The following RNF150 variants were observed in gnomAD, a reference collection of about 807,000 sequenced individuals.
The protein encoded by RNF150 is ring finger protein 150.
RNF150 carries 24 observed loss-of-function variants against 39.3 expected under a neutral mutation model. The ratio of observed to expected loss-of-function variants is 0.61; its 90% CI spans 0.44 to 0.86. The LOEUF is 0.86. Ranked by LOEUF, RNF150 falls within the 40% of genes least tolerant of loss-of-function variation. The probability of loss-of-function intolerance (pLI) is 0.00; values close to 1 mark genes in which losing one functional copy is unlikely to be tolerated. For synonymous variants in RNF150, 255 were observed against 227.3 expected, an observed-to-expected ratio of 1.12 and a Z score of -1.10; for missense variants, 502 against 587.8, an observed-to-expected ratio of 0.85 and a Z score of 1.51.
At chr4:140,936,900 C>T (rs991245739) in intron 4 of RNF150, among the ~76,000 whole-genome samples, 8 of 152,032 alleles carry the variant, frequency 5.3e-5, no homozygotes, top group Admixed American at 3.9e-4. Context: ...ATTTAAATTA[C>T]CTTTATATTT....
intron 1 of RNF150, among the ~76,000 whole-genome samples, chr4:141,107,481 G>C (rs1739251109): frequency 6.6e-6 from 1 of 152,152 alleles, no homozygotes; most frequent in Non-Finnish European, 1.5e-5. Flanking sequence ...TGGGCAGTCT[G>C]GGTCTAGTCT....
intron 1 of RNF150, among the ~76,000 whole-genome samples, chr4:141,121,489 G>A (rs1327798023): frequency 6.6e-6 from 1 of 152,180 alleles, no homozygotes; most frequent in Non-Finnish European, 1.5e-5. Flanking sequence ...TACCTCTTAA[G>A]CTTGGAGGAC....
intron 4 of RNF150, among the ~76,000 whole-genome samples, chr4:140,943,202 C>T (rs76139460): frequency 0.034 from 5,149 of 152,030 alleles, 190 homozygotes; most frequent in African/African-American, 0.089. Context: ...TCAATAGTAT[C>T]GAAGGCCAAA....
chr4:140,936,315 G>T (rs1471754978), intron 4 of RNF150, among the ~76,000 whole-genome samples: 1 of 152,140 alleles, frequency 6.6e-6, no homozygotes, highest in East Asian at 1.9e-4. Flanking sequence ...AGAATTGCTA[G>T]GTCACAAGGT....
At chr4:141,015,085 C>T (rs913532142) in intron 1 of RNF150, among the ~76,000 whole-genome samples, 1 of 152,094 alleles carries the variant, frequency 6.6e-6, no homozygotes, top group Non-Finnish European at 1.5e-5. Flanking sequence ...ATTGTCCTTT[C>T]CCTATTTTGT....
chr4:141,144,437 T>C (rs1235425592), intron 1 of RNF150, among the ~76,000 whole-genome samples: 1 of 152,232 alleles, frequency 6.6e-6, no homozygotes, highest in East Asian at 1.9e-4. Flanking sequence ...TTTGCTCGCT[T>C]TGGAGTCTGG....
At chr4:141,042,896 G>A (rs1222232459) in intron 1 of RNF150, among the ~76,000 whole-genome samples, 2 of 151,908 alleles carry the variant, frequency 1.3e-5, no homozygotes, top group African/African-American at 2.4e-5. Flanking sequence ...CTTGTCTTCG[G>A]CATACTATTT....
intron 1 of RNF150, among the ~76,000 whole-genome samples, chr4:141,040,051 A>G (rs903745196): frequency 9.9e-5 from 15 of 152,064 alleles, no homozygotes; most frequent in Admixed American, 2.6e-4. Flanking sequence ...TCTCCATGCT[A>G]TCTTCCTTAT....
chr4:141,132,632 C>T lies in RNF150; in HGVS notation c.177G>A (p.Ala59=), dbSNP rs776315124. Residue 59 remains alanine (A), a synonymous_variant, in exon 1 of 7, where the codon GCG becomes GCA. Transcript: ENST00000515673. This position sits in a 1 kb window ranked among gnomAD's most constrained non-coding sequence, Gnocchi z 4.9. ...GCAGCTCCGCGCCGCCGCCGCCCGC[C>T]GCCCCGGCCCCGGGGTCCGGCGCGG... The part of the protein sequence containing the change: ...AEPAPDPGAG[A]AGGGGAELHT... The T allele has an allele frequency of 1.7e-5, 26 of 1,574,736 alleles. No individual in the cohort carries two copies. The highest frequency in any genetic ancestry group is 2.8e-5 in the African/African-American group (2 of 72,232).
At chr4:141,197,012 G>A (rs1170101897) in intron 1 of RNF150, among the ~76,000 whole-genome samples, 1 of 152,058 alleles carries the variant, frequency 6.6e-6, no homozygotes, top group Non-Finnish European at 1.5e-5. Context: ...CTTTTGATCA[G>A]TGTTTGATGT....
intron 1 of RNF150, among the ~76,000 whole-genome samples, chr4:141,090,811 G>T (rs968055650): frequency 3.3e-5 from 5 of 151,298 alleles, no homozygotes; most frequent in South Asian, 2.1e-4. Flanking sequence ...TTTTTGTTTT[G>T]TTTTTTTTTC....
chr4:141,133,040 T>C lies in RNF150; in HGVS notation c.-232A>G. 2.3e-6 allele frequency: 1 copy of C among 437,720 alleles called. No individual in the cohort carries two copies. The highest frequency in any genetic ancestry group is 4.1e-6 in the Non-Finnish European group (1 of 245,596). The allele number at this position is 437,720 out of a possible 1,614,324, so 27.1% of individuals were successfully genotyped here. A position where few individuals can be genotyped will look rare whatever the true frequency, so the allele number is the denominator to read the frequency against. On this transcript the variant is annotated 5_prime_UTR_variant, in exon 1 of 7. Coordinates refer to ENST00000515673, the MANE Select transcript of RNF150 (RefSeq NM_020724.2). ...AGCGCGGTGGTTGCATTTTGCTTCT[T>C]GGGCGCCCGGGGGGCGCGGGAACAG...
chr4:141,158,527 T>C (rs999811808), intron 1 of RNF150, among the ~76,000 whole-genome samples: 1 of 151,942 alleles, frequency 6.6e-6, no homozygotes, highest in East Asian at 1.9e-4. Flanking sequence ...AGTTGTTATA[T>C]AACATTTACT....
intron 1 of RNF150, among the ~76,000 whole-genome samples, chr4:141,169,272 G>A (rs570140190): frequency 3.3e-5 from 5 of 152,146 alleles, no homozygotes; most frequent in African/African-American, 1.2e-4. Flanking sequence ...TGTAGGACGT[G>A]TCTACTTCCC....
At chr4:141,019,759 A>C (rs1275416789) in intron 1 of RNF150, among the ~76,000 whole-genome samples, 2 of 152,184 alleles carry the variant, frequency 1.3e-5, no homozygotes, top group African/African-American at 4.8e-5. Context: ...CAGGTATTTA[A>C]GTTACAGATG....
chr4:140,876,338 C>T (rs1338660431), intron 6 of RNF150, among the ~76,000 whole-genome samples: 1 of 152,180 alleles, frequency 6.6e-6, no homozygotes, highest in African/African-American at 2.4e-5. Flanking sequence ...TCTATATAGC[C>T]TGTCATTATG....
In RNF150 at chr4:140,967,640, C is replaced by T. The variant is rs763465105; in HGVS notation, c.718G>A (p.Ala240Thr). 1.6e-5 allele frequency: 25 copies of T among 1,608,938 alleles called. No individual in the cohort carries two copies. Among genetic ancestry groups the T allele is most frequent in the South Asian group, 3.3e-5 (3 of 90,884 alleles). The change falls in exon 2 of 7, where the codon GCC (alanine) becomes ACC (threonine). Residue 240 changes from alanine (A) to threonine (T), a missense_variant. By Grantham distance (58) the Ala-to-Thr change is moderately conservative. Transcript: ENST00000515673. ...CTACTCACCTGGTTCCTATCCCTGG[C>T]ATTTGCATATCGAAACCTCTGGATG... ...YYIQRFRYAN[A>T]RDRNQRRLGD... is the part of the protein sequence containing the mutation.
chr4:140,978,662 T>C (rs535727497), intron 1 of RNF150, among the ~76,000 whole-genome samples: 11 of 152,290 alleles, frequency 7.2e-5, no homozygotes, highest in African/African-American at 2.4e-4. Context: ...GAGTGATGAA[T>C]ACAGAATTAT....
chr4:141,047,445 G>T (rs1560708320), intron 1 of RNF150, among the ~76,000 whole-genome samples: 1 of 152,064 alleles, frequency 6.6e-6, no homozygotes, highest in African/African-American at 2.4e-5. Context: ...ACTGATCAAA[G>T]ACAGACGCAC....
Sources: allele counts gnomAD v4.1 joint callset (sites outside exome capture counted in the v4.1 genomes callset), GRCh38; gene constraint gnomAD v4.1.1; non-coding constraint Gnocchi (gnomAD v3.1); transcripts MANE v1.5; gene names NCBI Gene and HGNC (gene_info 2026-07-23, HGNC 2026-07-21).